Variants in SYT1 observed in about 807,000 individuals in gnomAD.
SYT1 encodes the protein synaptotagmin-1.
In SYT1, 8 loss-of-function variants were observed where a neutral mutation model predicts 44.8. That is an observed-to-expected ratio of 0.18 (90% confidence interval 0.10 to 0.32). The LOEUF (loss-of-function observed/expected upper bound fraction) is 0.32. SYT1 is among the 10% of genes least tolerant of loss of function. The pLI, the probability that SYT1 is intolerant of heterozygous loss-of-function variation, is 1.00. For missense variants in SYT1, 286 were observed against 509.3 expected (o/e 0.56, Z 4.22); for synonymous variants, 154 against 188.8 (o/e 0.82, Z 1.51).
At chr12:79,294,851 A>G (rs534195166) in intron 6 of SYT1, among the ~76,000 whole-genome samples, 30 of 151,970 alleles carry the variant, frequency 2.0e-4, no homozygotes, top group Middle Eastern at 3.4e-3. Flanking sequence ...TTTACCTACA[A>G]TCTAGCACTC....
chr12:79,314,198 C>T (rs112296308), intron 8 of SYT1, among the ~76,000 whole-genome samples: 2 of 143,906 alleles, frequency 1.4e-5, no homozygotes, highest in Admixed American at 6.8e-5. Flanking sequence ...AAAAAATTAG[C>T]GGTTTTTGTT....
rs185177374 is a variant in SYT1 at position 78,945,365 on chromosome 12, G to T, written c.-216-32434G>T. On this transcript the variant is annotated intron_variant, in intron 1 of 10. Coordinates refer to ENST00000261205, the MANE Select transcript of SYT1 (RefSeq NM_005639.3). ...TCTTTGTAGGAACTTATAAAGCTAT[G>T]CACACATATATATAATATTACACAT... 1.1e-3 allele frequency among the ~76,000 whole-genome samples: 162 copies of T among 150,730 alleles called. 1 individual carries two copies. The highest frequency in any genetic ancestry group is 3.9e-3 in the African/African-American group (161 of 41,032).
At chr12:79,128,988 T>C (rs1592774018) in intron 3 of SYT1, among the ~76,000 whole-genome samples, 2 of 152,172 alleles carry the variant, frequency 1.3e-5, no homozygotes, top group Non-Finnish European at 2.9e-5. Context: ...ACAAAAAATA[T>C]ATATTTATAT....
chr12:78,880,539 G>A (rs1253527859), intron 1 of SYT1, among the ~76,000 whole-genome samples: 1 of 151,124 alleles, frequency 6.6e-6, no homozygotes, highest in Non-Finnish European at 1.5e-5. Context: ...CCTGATCTCC[G>A]AATGCCTAAA....
At chr12:79,233,460 C>G (rs1875990855) in intron 4 of SYT1, among the ~76,000 whole-genome samples, 1 of 152,200 alleles carries the variant, frequency 6.6e-6, no homozygotes, top group Admixed American at 6.5e-5. Flanking sequence ...GTGTAGGTTT[C>G]TGTGTTTCAC....
intron 1 of SYT1, among the ~76,000 whole-genome samples, chr12:78,867,375 A>C (rs1411489944): frequency 6.6e-6 from 1 of 152,128 alleles, no homozygotes; most frequent in African/African-American, 2.4e-5. Context: ...GGATATGAGT[A>C]GTTTTTCAAA....
chr12:79,334,665 G>A (rs577953853), intron 8 of SYT1, among the ~76,000 whole-genome samples: 71 of 152,276 alleles, frequency 4.7e-4, no homozygotes, highest in Middle Eastern at 3.4e-3. Context: ...TTGCTTTCAC[G>A]TAGTAAGATT....
chr12:79,299,483 A>G lies in SYT1; in HGVS notation c.742A>G (p.Met248Val), dbSNP rs1410401047. Residue 248 changes from methionine to valine, a missense_variant, in exon 8 of 11, where the codon ATG becomes GTG. Around this residue, in one of 6 missense-constraint regions of SYT1, gnomAD observed 81 missense variants for 164.9 expected, o/e 0.49. Coordinates refer to ENST00000261205, the MANE Select transcript of SYT1 (RefSeq NM_005639.3). ...HDIIGEFKVP[M>V]NTVDFGHVTE... ...CATCATTGGAGAATTTAAAGTCCCT[A>G]TGAACACAGTGGATTTTGGCCATGT... 2 of 1,613,650 alleles carry G rather than the reference A, an allele frequency of 1.2e-6. No individual in the cohort carries two copies. The highest frequency in any genetic ancestry group is 1.7e-5 in the Admixed American group (1 of 59,992).
intron 3 of SYT1, among the ~76,000 whole-genome samples, chr12:79,197,226 A>G (rs377577529): frequency 2.6e-5 from 4 of 152,216 alleles, no homozygotes; most frequent in African/African-American, 9.6e-5. Flanking sequence ...AGTAAATGCA[A>G]TGTGTAGGAA....
chr12:79,291,106 T>A (rs1879559126), intron 5 of SYT1, among the ~76,000 whole-genome samples: 1 of 152,184 alleles, frequency 6.6e-6, no homozygotes, highest in African/African-American at 2.4e-5. Context: ...TTTGATTTTT[T>A]AAAAAGAAGA....
At chr12:78,976,224 G>A (rs1868821304) in intron 1 of SYT1, among the ~76,000 whole-genome samples, 2 of 151,652 alleles carry the variant, frequency 1.3e-5, no homozygotes, top group African/African-American at 4.9e-5. Context: ...TATCCCCAAG[G>A]ACTGGCCAAA....
intron 3 of SYT1, among the ~76,000 whole-genome samples, chr12:79,083,549 C>T (rs1425155828): frequency 6.6e-6 from 1 of 151,740 alleles, no homozygotes; most frequent in Non-Finnish European, 1.5e-5. Flanking sequence ...ACTATACTAG[C>T]CATATGATTT....
intron 2 of SYT1, among the ~76,000 whole-genome samples, chr12:78,983,071 A>G (rs1055054340): frequency 1.3e-4 from 20 of 149,638 alleles, no homozygotes; most frequent in African/African-American, 4.8e-4. Context: ...ATTTTTGTCT[A>G]AATTTTCTTC....
chr12:79,063,793 C>T (rs1446329423), intron 3 of SYT1, among the ~76,000 whole-genome samples: 1 of 152,052 alleles, frequency 6.6e-6, no homozygotes, highest in African/African-American at 2.4e-5. Context: ...GGTACACTAC[C>T]CTCCTCTATC....
intron 8 of SYT1, among the ~76,000 whole-genome samples, chr12:79,347,058 T>G (rs1210824875): frequency 2.1e-5 from 3 of 145,148 alleles, no homozygotes; most frequent in Non-Finnish European, 4.5e-5. Context: ...TTTTTTTTTT[T>G]GAACATGGAC....
At chr12:79,040,000 AT>A (rs1415715968) in intron 2 of SYT1, among the ~76,000 whole-genome samples, 1 of 149,626 alleles carries the variant, frequency 6.7e-6, no homozygotes, top group Non-Finnish European at 1.5e-5. Context: ...TATGTGCCAC[AT>A]TTTCTTAATC....
chr12:78,876,897 T>TTATATATATTATATATAA (rs1565697940), intron 1 of SYT1, among the ~76,000 whole-genome samples: 1 of 11,130 alleles, frequency 9.0e-5, no homozygotes, highest in African/African-American at 2.8e-4. Context: ...ATAATATATA[T>TTATATATATTATATATAA]TATATATTAT....
At chr12:79,243,149 C>T (rs979706463) in intron 4 of SYT1, among the ~76,000 whole-genome samples, 23 of 152,172 alleles carry the variant, frequency 1.5e-4, no homozygotes, top group African/African-American at 5.3e-4. Flanking sequence ...CAATTACCTC[C>T]CATCGGGTCC....
intron 3 of SYT1, among the ~76,000 whole-genome samples, chr12:79,097,601 C>T (rs1878213212): frequency 6.6e-6 from 1 of 151,902 alleles, no homozygotes; most frequent in Non-Finnish European, 1.5e-5. Flanking sequence ...GAAAGTCCCT[C>T]TAGAAAAACC....
Sources: gnomAD v4.1 joint callset for allele counts (sites outside exome capture counted in the v4.1 genomes callset) on GRCh38, gnomAD v4.1.1 for gene constraint, gnomAD v4.1.1 regional missense constraint, MANE v1.5 for transcripts, NCBI Gene and HGNC (gene_info 2026-07-23, HGNC 2026-07-21) for gene names.